The following SCHIP1 variants were observed in gnomAD, a reference collection of about 807,000 sequenced individuals.
SCHIP1 encodes schwannomin interacting protein 1.
Under a neutral mutation model 29.7 loss-of-function variants are expected in SCHIP1, and 8 were observed. The ratio of observed to expected loss-of-function variants is 0.27; its 90% CI spans 0.16 to 0.49. The LOEUF is 0.49. Among genes scored for constraint, SCHIP1 ranks in the 20% least tolerant of loss-of-function variants. The pLI is 0.99. For missense variants in SCHIP1, 193 were observed against 294.6 expected (o/e 0.66, Z 2.52); for synonymous variants, 76 against 94.9 (o/e 0.80, Z 1.16).
the SCHIP1 span, among the ~76,000 whole-genome samples, chr3:159,631,005 C>T: frequency 2.8e-4 from 42 of 151,904 alleles, no homozygotes; most frequent in Non-Finnish European, 5.3e-4. Context: ...AAAGTTAAAA[C>T]GTGGGCAAAG....
the SCHIP1 span, among the ~76,000 whole-genome samples, chr3:159,290,101 A>T: frequency 6.6e-6 from 1 of 152,204 alleles, no homozygotes; most frequent in Non-Finnish European, 1.5e-5. Context: ...ATGGGGAACT[A>T]AGTAATTTAG....
chr3:159,349,253 T>C, the SCHIP1 span, among the ~76,000 whole-genome samples: 1 of 152,204 alleles, frequency 6.6e-6, no homozygotes, highest in Non-Finnish European at 1.5e-5. Context: ...TTTTCACCCA[T>C]GTCGTGCAAG....
chr3:159,341,160 G>T, the SCHIP1 span, among the ~76,000 whole-genome samples: 1 of 151,294 alleles, frequency 6.6e-6, no homozygotes, highest in Admixed American at 6.6e-5. Context: ...CCCTCCCCTT[G>T]CTTTCTGCAC....
the SCHIP1 span, among the ~76,000 whole-genome samples, chr3:159,398,213 A>G: frequency 5.9e-5 from 9 of 152,114 alleles, no homozygotes; most frequent in South Asian, 6.2e-4. Context: ...CCACTGACCT[A>G]CGCCCACTGT....
At chr3:159,603,947 A>T in the SCHIP1 span, among the ~76,000 whole-genome samples, 2 of 152,142 alleles carry the variant, frequency 1.3e-5, no homozygotes, top group African/African-American at 2.4e-5. Flanking sequence ...CACTCTTGCC[A>T]TCACTAACCC....
intron 1 of SCHIP1, chr3:159,853,173 G>C: frequency 2.3e-6 from 1 of 436,378 alleles, no homozygotes; most frequent in Admixed American, 4.3e-5. Context: ...CAGCTGCCCG[G>C]TGCCAGAGCA....
the SCHIP1 span, chr3:159,765,739 T>C: frequency 6.6e-6 from 1 of 152,338 alleles, no homozygotes; most frequent in Non-Finnish European, 1.5e-5. Context: ...CGAGTTATTG[T>C]TGACCTGGGG....
the SCHIP1 span, among the ~76,000 whole-genome samples, chr3:159,815,725 C>T: frequency 1.3e-5 from 2 of 152,282 alleles, no homozygotes; most frequent in East Asian, 3.9e-4. Context: ...TGCCAGTTCT[C>T]TCCATGTCAC....
chr3:159,580,950 G>A, the SCHIP1 span, among the ~76,000 whole-genome samples: 1 of 152,012 alleles, frequency 6.6e-6, no homozygotes, highest in East Asian at 1.9e-4. Context: ...AAGGTGGCAG[G>A]GCATTCTGAA....
chr3:159,401,050 C>T, the SCHIP1 span: 3 of 266,690 alleles, frequency 1.1e-5, no homozygotes, highest in Non-Finnish European at 1.7e-5. Context: ...GTACCTGACA[C>T]ATAATAAGGA....
upstream of SCHIP1, among the ~76,000 whole-genome samples, chr3:159,839,288 T>A (rs73168571): frequency 0.23 from 33,369 of 142,264 alleles, 4,913 homozygotes; most frequent in African/African-American, 0.45. Flanking sequence ...AAGCCTTACA[T>A]TAAAAAAAAA....
the SCHIP1 span, among the ~76,000 whole-genome samples, chr3:159,654,356 G>A: frequency 5.9e-5 from 9 of 151,770 alleles, no homozygotes; most frequent in Middle Eastern, 6.8e-3. Context: ...TTTATTTACC[G>A]TTTGACTCTG....
chr3:159,457,760 A>G, the SCHIP1 span, among the ~76,000 whole-genome samples: 5 of 152,188 alleles, frequency 3.3e-5, no homozygotes, highest in African/African-American at 1.2e-4. Context: ...TTTCATATAC[A>G]TACATTCCTA....
the SCHIP1 span, among the ~76,000 whole-genome samples, chr3:159,718,877 A>G: frequency 6.6e-6 from 1 of 152,192 alleles, no homozygotes; most frequent in Non-Finnish European, 1.5e-5. Flanking sequence ...AATTGGAAAA[A>G]ACTACTTTAA....
At chr3:159,830,419 T>G in the SCHIP1 span, among the ~76,000 whole-genome samples, 1 of 152,234 alleles carries the variant, frequency 6.6e-6, no homozygotes, top group Non-Finnish European at 1.5e-5. Flanking sequence ...GACAACCAAT[T>G]AGTGATTCAC....
the SCHIP1 span, among the ~76,000 whole-genome samples, chr3:159,678,838 G>A: frequency 1.3e-5 from 2 of 152,202 alleles, no homozygotes; most frequent in Non-Finnish European, 2.9e-5. Flanking sequence ...TGAGTATAAG[G>A]AAAGGCGGGG....
the SCHIP1 span, among the ~76,000 whole-genome samples, chr3:159,385,957 A>G: frequency 6.6e-6 from 1 of 151,630 alleles, no homozygotes; most frequent in South Asian, 2.1e-4. Flanking sequence ...TTGGTTTTCT[A>G]TTCTTGGGTA....
At chr3:159,824,316 A>G in the SCHIP1 span, among the ~76,000 whole-genome samples, 5 of 152,316 alleles carry the variant, frequency 3.3e-5, no homozygotes, top group South Asian at 8.3e-4. Flanking sequence ...TACAGCAGAC[A>G]TCTGTTTCCT....
At chr3:159,746,016 C>G in the SCHIP1 span, among the ~76,000 whole-genome samples, 1 of 151,940 alleles carries the variant, frequency 6.6e-6, no homozygotes, top group African/African-American at 2.4e-5. Flanking sequence ...TTACAATGAG[C>G]AAATAGGTGA....
Sources: gnomAD v4.1 joint callset for allele counts (sites outside exome capture counted in the v4.1 genomes callset) on GRCh38, gnomAD v4.1.1 for gene constraint, MANE v1.5 for transcripts, NCBI Gene and HGNC (gene_info 2026-07-23, HGNC 2026-07-21) for gene names.